Variants in SLC38A9 observed in about 807,000 individuals in gnomAD.
SLC38A9 encodes the protein solute carrier family 38 member 9.
Under a neutral mutation model 62.3 loss-of-function variants are expected in SLC38A9, and 48 were observed. The ratio of observed to expected loss-of-function variants is 0.77; its 90% CI spans 0.61 to 0.98. SLC38A9 has a LOEUF of 0.98. Ranked by LOEUF, SLC38A9 falls within the 50% of genes least tolerant of loss-of-function variation. The probability of loss-of-function intolerance (pLI) is 0.00; values close to 1 mark genes in which losing one functional copy is unlikely to be tolerated. For synonymous variants in SLC38A9, 204 were observed against 227.7 expected (o/e 0.90, Z 0.94); for missense variants, 541 against 679.8 (o/e 0.80, Z 2.27).
At chr5:55,672,826 T>A in intron 3 of SLC38A9, 131 bp from the exon 4 acceptor site, 1 of 829,540 alleles carries the variant, frequency 1.2e-6, no homozygotes, top group South Asian at 1.9e-5. Context: ...CTTCTCACTT[T>A]TGGTGCAAAC....
At chr5:55,670,597 G>T (rs1751149964) in intron 4 of SLC38A9, among the ~76,000 whole-genome samples, 1 of 152,142 alleles carries the variant, frequency 6.6e-6, no homozygotes, top group Non-Finnish European at 1.5e-5. Flanking sequence ...TTACATCACT[G>T]TTTATATATT....
intron 3 of SLC38A9, among the ~76,000 whole-genome samples, chr5:55,693,924 G>A (rs919182958): frequency 2.0e-5 from 3 of 152,052 alleles, no homozygotes; most frequent in African/African-American, 7.2e-5. Flanking sequence ...AAATTAGCCA[G>A]GTGCAGTGGT....
At chr5:55,710,674 GGC>G (rs1757905475) in intron 2 of SLC38A9, among the ~76,000 whole-genome samples, 2 of 151,734 alleles carry the variant, frequency 1.3e-5, no homozygotes, top group African/African-American at 4.8e-5. Context: ...GGAGTGCGGT[GGC>G]ACGATCTCAG....
At chr5:55,671,495 T>C (rs1438825627) in intron 4 of SLC38A9, among the ~76,000 whole-genome samples, 1 of 141,210 alleles carries the variant, frequency 7.1e-6, no homozygotes. Flanking sequence ...TATTTCAGTT[T>C]CCCATTCTTC....
intron 7 of SLC38A9, among the ~76,000 whole-genome samples, chr5:55,667,965 GT>G (rs1428449004): frequency 3.3e-5 from 5 of 152,168 alleles, no homozygotes; most frequent in African/African-American, 1.2e-4. Context: ...GAGCCCAGTA[GT>G]TCGAGACCAA....
intron 12 of SLC38A9, among the ~76,000 whole-genome samples, chr5:55,639,260 C>G (rs972738163): frequency 1.1e-5 from 1 of 93,456 alleles, no homozygotes; most frequent in African/African-American, 4.5e-5. Flanking sequence ...GCAACAAGAA[C>G]GAAACTCTGT....
intron 14 of SLC38A9, among the ~76,000 whole-genome samples, chr5:55,630,565 C>T (rs113008467): frequency 0.03 from 4,626 of 152,252 alleles, 89 homozygotes; most frequent in African/African-American, 0.05. Flanking sequence ...ATCCACCCGC[C>T]TTGGCCTCCC....
intron 3 of SLC38A9, among the ~76,000 whole-genome samples, chr5:55,689,493 C>G (rs751722913): frequency 6.6e-6 from 1 of 152,180 alleles, no homozygotes. Context: ...TTTCAAATCT[C>G]TTGTTATATA....
intron 12 of SLC38A9, among the ~76,000 whole-genome samples, chr5:55,640,886 G>A (rs1193447877): frequency 1.3e-5 from 2 of 152,170 alleles, no homozygotes; most frequent in Admixed American, 1.3e-4. Context: ...GCCCATGCTG[G>A]AGTGCAACAG....
At chr5:55,679,993 A>T (rs773704573) in intron 3 of SLC38A9, among the ~76,000 whole-genome samples, 1 of 152,266 alleles carries the variant, frequency 6.6e-6, no homozygotes, top group Non-Finnish European at 1.5e-5. Flanking sequence ...ATAAATAAAG[A>T]GTAACTGCAA....
chr5:55,678,138 G>GTTTTTGTTTTT (rs1554063006), intron 3 of SLC38A9, among the ~76,000 whole-genome samples: 1 of 129,444 alleles, frequency 7.7e-6, no homozygotes, highest in Non-Finnish European at 1.6e-5. Context: ...AAGGTTACTG[G>GTTTTTGTTTTT]TTTTTTTTTC....
chr5:55,706,889 A>G (rs1036912556), intron 2 of SLC38A9, among the ~76,000 whole-genome samples: 1 of 151,790 alleles, frequency 6.6e-6, no homozygotes, highest in Non-Finnish European at 1.5e-5. Flanking sequence ...TTTTGTCACA[A>G]CAGAAACAAC....
At chr5:55,683,464 G>T (rs537436284) in intron 3 of SLC38A9, among the ~76,000 whole-genome samples, 2 of 152,122 alleles carry the variant, frequency 1.3e-5, no homozygotes, top group African/African-American at 4.8e-5. Flanking sequence ...GAATAACTTT[G>T]TTCTCATTAG....
intron 3 of SLC38A9, among the ~76,000 whole-genome samples, chr5:55,692,104 T>C (rs1754833178): frequency 1.3e-5 from 2 of 152,230 alleles, no homozygotes; most frequent in South Asian, 2.1e-4. Flanking sequence ...TATGGTAATA[T>C]GTAAGATGAT....
intron 2 of SLC38A9, among the ~76,000 whole-genome samples, chr5:55,698,884 CTA>C (rs1756276973): frequency 6.6e-6 from 1 of 152,086 alleles, no homozygotes; most frequent in South Asian, 2.1e-4. Context: ...CTACAGTGAG[CTA>C]TGATTGCGCC....
intron 2 of SLC38A9, among the ~76,000 whole-genome samples, chr5:55,701,947 T>G (rs1321988561): frequency 6.6e-6 from 1 of 152,238 alleles, no homozygotes; most frequent in Non-Finnish European, 1.5e-5. Flanking sequence ...CATTTCTTTC[T>G]CAGTCCCTTG....
intron 7 of SLC38A9, among the ~76,000 whole-genome samples, chr5:55,665,332 G>A (rs1422223325): frequency 2.6e-5 from 4 of 151,992 alleles, no homozygotes; most frequent in Non-Finnish European, 5.9e-5. Flanking sequence ...GATCACTTGA[G>A]GTCAGGAGTT....
At position 55,672,605 on chromosome 5, in the gene SLC38A9, A is replaced by G; in HGVS notation, c.204T>C (p.Ile68=). Reference sequence around the variant, plus strand: ...GAGTGGTGAGCCGGCTGTAGTAATGAATTCTCTTGTTCATGGCAGAGGCAT... The same window carrying G: ...GAGTGGTGAGCCGGCTGTAGTAATGGATTCTCTTGTTCATGGCAGAGGCAT... ...SDHASAMNKR[I]HYYSRLTTPA... Residue 68 remains isoleucine, a synonymous_variant, in exon 4 of 16, where the codon ATT becomes ATC. Coordinates refer to ENST00000396865, the MANE Select transcript of SLC38A9 (RefSeq NM_173514.4). 1 of 1,614,170 alleles carries G rather than the reference A, an allele frequency of 6.2e-7. No homozygotes were observed. Among genetic ancestry groups the G allele is most frequent in the Non-Finnish European group, 8.5e-7 (1 of 1,180,030 alleles).
chr5:55,643,631 C>T (rs4373243), intron 12 of SLC38A9, among the ~76,000 whole-genome samples: 90,451 of 152,006 alleles, frequency 0.6, 27,589 homozygotes, highest in South Asian at 0.7. Context: ...GGTGATAAAA[C>T]GTCCAATTAT....
Sources: allele counts gnomAD v4.1 joint callset (sites outside exome capture counted in the v4.1 genomes callset), GRCh38; gene constraint gnomAD v4.1.1; transcripts MANE v1.5; gene names NCBI Gene and HGNC (gene_info 2026-07-23, HGNC 2026-07-21).